CACNA2D3: variants seen among roughly 807,000 people sequenced by gnomAD.
CACNA2D3 encodes calcium voltage-gated channel auxiliary subunit alpha2delta 3, also known as voltage-dependent calcium channel subunit alpha-2/delta-3.
CACNA2D3 carries 60 observed loss-of-function variants against 160.6 expected under a neutral mutation model. The ratio of observed to expected loss-of-function variants is 0.37; its 90% CI spans 0.30 to 0.46. The LOEUF (loss-of-function observed/expected upper bound fraction) is 0.46, where lower values mean the gene tolerates loss of function less well. Among genes scored for constraint, CACNA2D3 ranks in the 20% least tolerant of loss-of-function variants. The probability of loss-of-function intolerance (pLI) is 1.00; values close to 1 mark genes in which losing one functional copy is unlikely to be tolerated. For missense variants in CACNA2D3, 1,205 were observed against 1,365.0 expected, an observed-to-expected ratio of 0.88 and a Z score of 1.85; for synonymous variants, 558 against 492.9, an observed-to-expected ratio of 1.13 and a Z score of -1.75.
intron 2 of CACNA2D3, among the ~76,000 whole-genome samples, chr3:54,125,033 G>GCATT (rs1699560639): frequency 6.6e-6 from 1 of 152,168 alleles, no homozygotes; most frequent in African/African-American, 2.4e-5. Context: ...CTGGACTGTA[G>GCATT]CATTGCCTTT....
chr3:54,372,689 G>C (rs1476942762), intron 3 of CACNA2D3, among the ~76,000 whole-genome samples: 6 of 152,138 alleles, frequency 3.9e-5, no homozygotes, highest in African/African-American at 1.4e-4. Context: ...AATTAGGGTT[G>C]ACAAAGGAGA....
At chr3:54,246,724 C>CAAA (rs751213857) in intron 2 of CACNA2D3, among the ~76,000 whole-genome samples, 7 of 147,832 alleles carry the variant, frequency 4.7e-5, no homozygotes, top group Admixed American at 1.3e-4. Flanking sequence ...AACTCCATCT[C>CAAA]AAAAAAACAA....
chr3:54,971,695 C>T (rs1702278820), intron 29 of CACNA2D3, among the ~76,000 whole-genome samples: 1 of 152,202 alleles, frequency 6.6e-6, no homozygotes. Flanking sequence ...AATGGATTTC[C>T]ACTTAGAGTT....
At chr3:54,968,570 A>ATT in intron 28 of CACNA2D3, 59 bp downstream of exon 28, 1 of 1,300,398 alleles carries the variant, frequency 7.7e-7, no homozygotes, top group Non-Finnish European at 1.1e-6. Context: ...AGGTGTTCCC[A>ATT]TTTGGGTACC....
chr3:54,641,069 G>T (rs1388965827), intron 10 of CACNA2D3, among the ~76,000 whole-genome samples: 1 of 151,748 alleles, frequency 6.6e-6, no homozygotes, highest in Non-Finnish European at 1.5e-5. Context: ...CAAGCTCGAT[G>T]AAGTATTTAA....
intron 35 of CACNA2D3, among the ~76,000 whole-genome samples, chr3:55,038,905 T>C (rs867892081): frequency 0.055 from 5,029 of 92,146 alleles, 412 homozygotes; most frequent in African/African-American, 0.17. Flanking sequence ...TATATATATA[T>C]ATACACACAC....
At chr3:54,942,851 C>T (rs1216828588) in intron 27 of CACNA2D3, among the ~76,000 whole-genome samples, 4 of 152,034 alleles carry the variant, frequency 2.6e-5, no homozygotes, top group South Asian at 2.1e-4. Context: ...AGTGAAACCC[C>T]ATCTCTACTA....
At chr3:54,348,365 A>G (rs953695207) in intron 3 of CACNA2D3, among the ~76,000 whole-genome samples, 1 of 152,230 alleles carries the variant, frequency 6.6e-6, no homozygotes, top group Non-Finnish European at 1.5e-5. Flanking sequence ...TTATGGAAAC[A>G]TTTTAACTGC....
intron 11 of CACNA2D3, among the ~76,000 whole-genome samples, chr3:54,727,330 AT>A (rs1354621754): frequency 6.6e-6 from 1 of 152,214 alleles, no homozygotes; most frequent in African/African-American, 2.4e-5. Flanking sequence ...TAGTTTAACC[AT>A]TGTGGAAGAC....
chr3:54,999,995 A>C (rs1702944867), intron 31 of CACNA2D3, among the ~76,000 whole-genome samples: 1 of 152,136 alleles, frequency 6.6e-6, no homozygotes, highest in Admixed American at 6.5e-5. Context: ...TCCACCATCC[A>C]TGTGGGCACA....
intron 13 of CACNA2D3, among the ~76,000 whole-genome samples, chr3:54,777,882 G>A (rs749793816): frequency 8.5e-5 from 13 of 152,112 alleles, no homozygotes; most frequent in Non-Finnish European, 1.9e-4. Context: ...GTCTGCCTCT[G>A]GAAAATATTT....
chr3:54,713,062 C>T (rs1442568078), intron 11 of CACNA2D3, among the ~76,000 whole-genome samples: 2 of 152,282 alleles, frequency 1.3e-5, no homozygotes, highest in South Asian at 4.2e-4. Flanking sequence ...TGAGAAGACT[C>T]CTGTAATGGC....
chr3:54,944,293 T>C (rs928972929), intron 27 of CACNA2D3, among the ~76,000 whole-genome samples: 3 of 152,172 alleles, frequency 2.0e-5, no homozygotes, highest in African/African-American at 4.8e-5. Context: ...ATTTTTTAGG[T>C]CTTTTTGTTT....
intron 4 of CACNA2D3, among the ~76,000 whole-genome samples, chr3:54,455,333 AT>A (rs750270837): frequency 5.3e-5 from 8 of 152,024 alleles, no homozygotes; most frequent in Non-Finnish European, 1.0e-4. Flanking sequence ...TTTCCTGTTG[AT>A]TAGCGATGTT....
At position 54,886,100 on chromosome 3, in the gene CACNA2D3, A is replaced by C. The variant is rs115078235; in HGVS notation, c.2056+514A>C. On this transcript the variant is annotated intron_variant, in intron 23 of 37. Transcript: ENST00000474759. ...GAGTAGGAAATCTCTCAGCTGGTGC[A>C]AAAGAGGGAAGAGCAGTGGCAGCCC... Among the ~76,000 whole-genome samples the C allele has an allele frequency of 6.3e-3, 961 of 152,190 alleles. 10 individuals are homozygous for C. The highest frequency in any genetic ancestry group is 0.022 in the African/African-American group (898 of 41,512).
At chr3:54,216,303 G>T (rs1344057498) in intron 2 of CACNA2D3, among the ~76,000 whole-genome samples, 1 of 152,222 alleles carries the variant, frequency 6.6e-6, no homozygotes, top group Non-Finnish European at 1.5e-5. Flanking sequence ...CAATCTTCTT[G>T]CAATAATACA....
intron 35 of CACNA2D3, among the ~76,000 whole-genome samples, chr3:55,046,561 G>A (rs1299700591): frequency 2.8e-5 from 1 of 35,906 alleles, no homozygotes; most frequent in Admixed American, 3.4e-4. Flanking sequence ...ATAAACATAC[G>A]TGTGCATGTG....
chr3:54,161,877 A>T (rs1190029380), intron 2 of CACNA2D3, among the ~76,000 whole-genome samples: 1 of 152,136 alleles, frequency 6.6e-6, no homozygotes, highest in Non-Finnish European at 1.5e-5. Flanking sequence ...CTCCTTGGGG[A>T]GTCACCACTG....
intron 11 of CACNA2D3, among the ~76,000 whole-genome samples, chr3:54,682,214 CATG>C (rs1048008099): frequency 2.0e-5 from 3 of 151,688 alleles, no homozygotes; most frequent in Non-Finnish European, 4.4e-5. Flanking sequence ...CTAGTAATGT[CATG>C]ATAACAAAAG....
Sources: allele counts gnomAD v4.1 joint callset (sites outside exome capture counted in the v4.1 genomes callset), GRCh38; gene constraint gnomAD v4.1.1; transcripts MANE v1.5; gene names NCBI Gene and HGNC (gene_info 2026-07-23, HGNC 2026-07-21).